ABTB3: variants seen among roughly 807,000 people sequenced by gnomAD.
ABTB3 encodes the protein ankyrin repeat and BTB domain containing 3.
At chr12:107,342,857 A>G in the ABTB3 span, among the ~76,000 whole-genome samples, 1 of 151,474 alleles carries the variant, frequency 6.6e-6, no homozygotes, top group East Asian at 1.9e-4. Flanking sequence ...CCTCCTTTGA[A>G]CCCCCGTAGG....
At chr12:107,639,474 AG>A in the ABTB3 span, among the ~76,000 whole-genome samples, 1 of 152,094 alleles carries the variant, frequency 6.6e-6, no homozygotes, top group East Asian at 1.9e-4. Flanking sequence ...CCAGAAAGAG[AG>A]GATGTGGCCC....
chr12:107,485,904 T>G, the ABTB3 span, among the ~76,000 whole-genome samples: 2 of 152,232 alleles, frequency 1.3e-5, no homozygotes, highest in Non-Finnish European at 2.9e-5. Context: ...TCCAAGTTCC[T>G]GCTAACGAAA....
At chr12:107,651,848 C>T in the ABTB3 span, 1 of 1,403,980 alleles carries the variant, frequency 7.1e-7, no homozygotes, top group Non-Finnish European at 1.0e-6. Context: ...GGAGGCTTTT[C>T]CTTGGCAAAC....
chr12:107,618,272 G>T, the ABTB3 span: 1 of 1,613,564 alleles, frequency 6.2e-7, no homozygotes, highest in Non-Finnish European at 8.5e-7. Flanking sequence ...CGCCCCCCTT[G>T]TGCGCCAGCC....
the ABTB3 span, among the ~76,000 whole-genome samples, chr12:107,648,294 T>C: frequency 6.6e-6 from 1 of 151,392 alleles, no homozygotes; most frequent in Admixed American, 6.6e-5. Flanking sequence ...GGCAGGAGAA[T>C]TGCTTGAACC....
At chr12:107,513,224 G>C in the ABTB3 span, among the ~76,000 whole-genome samples, 1 of 152,174 alleles carries the variant, frequency 6.6e-6, no homozygotes, top group Admixed American at 6.5e-5. Context: ...ATTGAAGGTT[G>C]GATGGATCAA....
chr12:107,413,067 G>A, the ABTB3 span, among the ~76,000 whole-genome samples: 10 of 152,156 alleles, frequency 6.6e-5, no homozygotes, highest in Non-Finnish European at 1.2e-4. Context: ...AAGGTCAGGA[G>A]ATCGAGACCA....
At chr12:107,507,936 C>G in the ABTB3 span, among the ~76,000 whole-genome samples, 1 of 152,204 alleles carries the variant, frequency 6.6e-6, no homozygotes, top group African/African-American at 2.4e-5. Context: ...CTTAGAGTAC[C>G]TGTAACACTC....
chr12:107,656,250 G>A, the ABTB3 span, among the ~76,000 whole-genome samples: 145 of 151,392 alleles, frequency 9.6e-4, 1 homozygote, highest in African/African-American at 3.5e-3. Context: ...GCAGTAAGCA[G>A]AGATCATGCC....
chr12:107,581,054 TGGG>T, the ABTB3 span: 1 of 1,543,980 alleles, frequency 6.5e-7, no homozygotes, highest in Admixed American at 2.0e-5. Flanking sequence ...AGTCGGGAGA[TGGG>T]GGGATCCCCG....
the ABTB3 span, among the ~76,000 whole-genome samples, chr12:107,517,463 T>C: frequency 1.3e-5 from 2 of 152,220 alleles, no homozygotes; most frequent in African/African-American, 4.8e-5. Flanking sequence ...TTGGGCAGTA[T>C]GGCCATTTTC....
At chr12:107,578,383 CTTTTTTTT>C in the ABTB3 span, among the ~76,000 whole-genome samples, 34 of 57,196 alleles carry the variant, frequency 5.9e-4, no homozygotes, top group Admixed American at 2.4e-3. Context: ...CTTTCTTCTT[CTTTTTTTT>C]TTTTTTTTTT....
At chr12:107,544,697 G>A in the ABTB3 span, among the ~76,000 whole-genome samples, 2 of 152,124 alleles carry the variant, frequency 1.3e-5, no homozygotes, top group Admixed American at 6.5e-5. Context: ...CTTTAGCGAC[G>A]GATTAATAGA....
the ABTB3 span, among the ~76,000 whole-genome samples, chr12:107,647,865 G>C: frequency 6.6e-6 from 1 of 152,212 alleles, no homozygotes; most frequent in African/African-American, 2.4e-5. Flanking sequence ...CTTTTAAGTG[G>C]CAGAGCCAGA....
chr12:107,473,217 T>A, the ABTB3 span, among the ~76,000 whole-genome samples: 2 of 152,144 alleles, frequency 1.3e-5, no homozygotes, highest in African/African-American at 4.8e-5. Flanking sequence ...CCAGTGCCTT[T>A]TTACCACCTG....
the ABTB3 span, among the ~76,000 whole-genome samples, chr12:107,654,815 T>TACAC: frequency 0.11 from 16,079 of 140,942 alleles, 912 homozygotes; most frequent in South Asian, 0.15. Flanking sequence ...CTACATTGTA[T>TACAC]ACACACACAC....
the ABTB3 span, among the ~76,000 whole-genome samples, chr12:107,455,716 C>T: frequency 6.6e-6 from 1 of 152,260 alleles, no homozygotes; most frequent in African/African-American, 2.4e-5. Flanking sequence ...AGCTGTAGGA[C>T]GGGGAGTCAG....
chr12:107,375,962 C>A, the ABTB3 span, among the ~76,000 whole-genome samples: 1 of 152,150 alleles, frequency 6.6e-6, no homozygotes, highest in Non-Finnish European at 1.5e-5. Flanking sequence ...CTTCCCCATG[C>A]GCCATCTCTT....
the ABTB3 span, among the ~76,000 whole-genome samples, chr12:107,323,922 G>A: frequency 6.6e-6 from 1 of 152,118 alleles, no homozygotes; most frequent in Non-Finnish European, 1.5e-5. Context: ...CCTATCACCT[G>A]TAAAGGCAGT....
Sources: gnomAD v4.1 joint callset for allele counts (sites outside exome capture counted in the v4.1 genomes callset) on GRCh38, gnomAD v4.1.1 for gene constraint, MANE v1.5 for transcripts, NCBI Gene and HGNC (gene_info 2026-07-23, HGNC 2026-07-21) for gene names.